Variants in TMPRSS15 observed in about 807,000 individuals in gnomAD.
TMPRSS15 encodes the protein enteropeptidase.
Under a neutral mutation model 125.3 loss-of-function variants are expected in TMPRSS15, and 128 were observed. That is an observed-to-expected ratio of 1.02 (90% confidence interval 0.89 to 1.18). TMPRSS15 has a LOEUF of 1.18. TMPRSS15 is among the 50% of genes most tolerant of loss of function. The pLI, the probability that TMPRSS15 is intolerant of heterozygous loss-of-function variation, is 0.00. For missense variants in TMPRSS15, 1,283 were observed against 1,212.7 expected, an observed-to-expected ratio of 1.06 and a Z score of -0.86; for synonymous variants, 446 against 423.2, an observed-to-expected ratio of 1.05 and a Z score of -0.66.
upstream of TMPRSS15, among the ~76,000 whole-genome samples, chr21:18,405,536 G>C (rs1373572314): frequency 2.0e-5 from 3 of 152,156 alleles, no homozygotes; most frequent in South Asian, 2.1e-4. Flanking sequence ...AGAGAGTGTT[G>C]TATCAGTCCC....
intron 21 of TMPRSS15, among the ~76,000 whole-genome samples, chr21:18,289,124 A>T (rs543760323): frequency 1.3e-5 from 2 of 152,354 alleles, no homozygotes; most frequent in South Asian, 4.1e-4. Context: ...GGTATCAATT[A>T]AGTAATGTTA....
At chr21:18,321,429 C>T (rs3787581) in intron 16 of TMPRSS15, among the ~76,000 whole-genome samples, 88,997 of 146,606 alleles carry the variant, frequency 0.61, 28,683 homozygotes, top group African/African-American at 0.84. Context: ...CTCGGCTCAC[C>T]GCAAGCTCCA....
intron 24 of TMPRSS15, 151 bp from the exon 25 acceptor site, chr21:18,270,275 C>CTAAG (rs1214268332): frequency 1.4e-4 from 86 of 627,764 alleles, no homozygotes; most frequent in Admixed American, 1.4e-4. Flanking sequence ...CACTTTCACT[C>CTAAG]TAAGTCAGGA....
intron 6 of TMPRSS15, among the ~76,000 whole-genome samples, chr21:18,370,009 G>A (rs575166879): frequency 3.2e-3 from 458 of 142,424 alleles, no homozygotes; most frequent in Admixed American, 5.2e-3. Flanking sequence ...AAAATGGAAA[G>A]TGACGGTGTG....
At chr21:18,410,315 C>T (rs1601453193) in intron 1 of TMPRSS15, among the ~76,000 whole-genome samples, 1 of 119,290 alleles carries the variant, frequency 8.4e-6, no homozygotes, top group Non-Finnish European at 2.0e-5. Flanking sequence ...TGGGATGCCA[C>T]TGGGATGCCA....
At chr21:18,359,691 A>G (rs1353162496) in intron 8 of TMPRSS15, 66 bp downstream of exon 8, 2 of 755,244 alleles carry the variant, frequency 2.6e-6, no homozygotes, top group East Asian at 5.4e-5. Context: ...GGGAAAACAT[A>G]CCACTCCAAA....
chr21:18,450,358 C>T (rs998244744), intron 1 of TMPRSS15, among the ~76,000 whole-genome samples: 2 of 151,904 alleles, frequency 1.3e-5, no homozygotes, highest in African/African-American at 2.4e-5. Context: ...AAAGGATCAA[C>T]GGCTCCTCCC....
At chr21:18,355,605 G>T (rs1569029358) in intron 8 of TMPRSS15, among the ~76,000 whole-genome samples, 1 of 151,710 alleles carries the variant, frequency 6.6e-6, no homozygotes, top group Non-Finnish European at 1.5e-5. Flanking sequence ...AAGAGCAGGG[G>T]CTCCAGCATC....
intron 5 of TMPRSS15, among the ~76,000 whole-genome samples, chr21:18,376,275 CT>C (rs142386706): frequency 0.11 from 16,246 of 151,362 alleles, 931 homozygotes; most frequent in African/African-American, 0.13. Context: ...TAGAAAGATT[CT>C]TTAGTAGTCT....
At chr21:18,320,833 C>A (rs1466782580) in intron 16 of TMPRSS15, among the ~76,000 whole-genome samples, 1 of 152,190 alleles carries the variant, frequency 6.6e-6, no homozygotes, top group African/African-American at 2.4e-5. Flanking sequence ...TTTAATCCAA[C>A]AGTTTAACTC....
chr21:18,372,394 T>G (rs1255974222), intron 5 of TMPRSS15, 70 bp from the exon 6 acceptor site: 2 of 1,421,788 alleles, frequency 1.4e-6, no homozygotes, highest in African/African-American at 2.8e-5. Flanking sequence ...TTAATAGGCC[T>G]TTTTGCCACT....
At chr21:18,455,805 G>T (rs1449055005) in intron 1 of TMPRSS15, among the ~76,000 whole-genome samples, 1 of 152,098 alleles carries the variant, frequency 6.6e-6, no homozygotes, top group African/African-American at 2.4e-5. Context: ...GAAGAGAAGG[G>T]ATAAAAAGTA....
intron 18 of TMPRSS15, among the ~76,000 whole-genome samples, chr21:18,310,570 A>G (rs935185559): frequency 1.3e-5 from 2 of 152,086 alleles, no homozygotes; most frequent in African/African-American, 4.8e-5. Context: ...GACACAAACA[A>G]ATGAAAAGCA....
intron 1 of TMPRSS15, among the ~76,000 whole-genome samples, chr21:18,429,015 G>T (rs1451444054): frequency 2.6e-5 from 4 of 152,304 alleles, no homozygotes; most frequent in African/African-American, 9.6e-5. Context: ...GGACAGAGCT[G>T]CCCAAGACCA....
At chr21:18,453,050 A>T (rs1029201732) in intron 1 of TMPRSS15, among the ~76,000 whole-genome samples, 6 of 152,220 alleles carry the variant, frequency 3.9e-5, no homozygotes, top group Non-Finnish European at 8.8e-5. Flanking sequence ...GAGCTTACTC[A>T]TCTAGCACAA....
chr21:18,413,231 CTTTT>C (rs1292410751), intron 1 of TMPRSS15, among the ~76,000 whole-genome samples: 1 of 128,120 alleles, frequency 7.8e-6, no homozygotes, highest in Non-Finnish European at 1.6e-5. Context: ...TCCTTCCTTC[CTTTT>C]CTCTCTCTTT....
chr21:18,404,549 C>T (rs542539177), upstream of TMPRSS15, among the ~76,000 whole-genome samples: 4 of 152,020 alleles, frequency 2.6e-5, no homozygotes, highest in African/African-American at 4.8e-5. Context: ...AATTAAATTA[C>T]GGTTTAGCAT....
intron 1 of TMPRSS15, among the ~76,000 whole-genome samples, chr21:18,467,470 A>C (rs1049540530): frequency 6.6e-6 from 1 of 152,072 alleles, no homozygotes; most frequent in South Asian, 2.1e-4. Context: ...TTTGAGGACA[A>C]GAATGCATTC....
chr21:18,441,285 C>CAAAACAAAACAAAAG (rs1453530980), intron 1 of TMPRSS15, among the ~76,000 whole-genome samples: 9 of 142,398 alleles, frequency 6.3e-5, no homozygotes, highest in African/African-American at 2.3e-4. Context: ...CCGTCTCAAA[C>CAAAACAAAACAAAAG]AAAACAAAAC....
Sources: allele counts gnomAD v4.1 joint callset (sites outside exome capture counted in the v4.1 genomes callset), GRCh38; gene constraint gnomAD v4.1.1; transcripts MANE v1.5; gene names NCBI Gene and HGNC (gene_info 2026-07-23, HGNC 2026-07-21).